Variants in PTK6 observed in about 807,000 individuals in gnomAD.
PTK6 encodes protein tyrosine kinase 6, also known as protein-tyrosine kinase 6.
A neutral mutation model predicts 47.5 loss-of-function variants in PTK6; 47 were observed. The ratio of observed to expected loss-of-function variants is 0.99; its 90% CI spans 0.78 to 1.26. The LOEUF (loss-of-function observed/expected upper bound fraction) is 1.26, where lower values mean the gene tolerates loss of function less well. Ranked by LOEUF, PTK6 falls within the 50% of genes most tolerant of loss-of-function variation. The probability of loss-of-function intolerance (pLI) is 0.00; values close to 1 mark genes in which losing one functional copy is unlikely to be tolerated. For synonymous variants in PTK6, 287 were observed against 276.5 expected (o/e 1.04, Z -0.38); for missense variants, 618 against 625.3 (o/e 0.99, Z 0.12).
Position 63,530,927 on chromosome 20 carries a change from T to C in PTK6, c.833A>G (p.Asp278Gly). The C allele has an allele frequency of 6.2e-7, 1 of 1,604,698 alleles. No individual in the cohort carries two copies. Among genetic ancestry groups the C allele is most frequent in the Non-Finnish European group, 8.5e-7 (1 of 1,175,588 alleles). ...AACGGGCAGGACTTTCTCATCAGAG[T>C]CTGCAGAGGGGAGTGGAGCAGAGCC... Reference protein sequence around the residue: ...AKGSLLELLRDSDEKVLPVSE... With the variant: ...AKGSLLELLRGSDEKVLPVSE... The change falls in exon 6 of 8, where the codon GAC becomes GGC. Residue 278 changes from aspartate to glycine, a missense_variant and splice_region_variant. Transcript: ENST00000542869. The surrounding 1 kb of genome is among the most constrained non-coding windows in gnomAD (Gnocchi z 4.1).
At chr20:63,536,339 G>A (rs996050789) in intron 1 of PTK6, among the ~76,000 whole-genome samples, 31 of 147,282 alleles carry the variant, frequency 2.1e-4, no homozygotes, top group South Asian at 2.2e-4. Context: ...TAACGAGGTC[G>A]TGGGTCTGCA....
At chr20:63,532,450 TG>T (rs11086169) in intron 5 of PTK6, 75 bp downstream of exon 5, 106,153 of 1,212,876 alleles carry the variant, frequency 0.088, 5,606 homozygotes, top group African/African-American at 0.36. Flanking sequence ...TGTGTAGACG[TG>T]GGGGGGGGGT....
chr20:63,532,607 A>G lies in PTK6; in HGVS notation c.751T>C (p.Tyr251His). The G allele has an allele frequency of 2.5e-6, 4 of 1,614,102 alleles. No homozygotes were observed. The highest frequency in any genetic ancestry group is 3.4e-6 in the Non-Finnish European group (4 of 1,180,010). ...KLRHKHILAL[Y>H]AVVSVGDPVY... is the part of the protein sequence containing the mutation. ...GGGTCCCCCACGGACACCACGGCGT[A>G]CAGCGCCAGGATGTGTTTGTGCCGC... Residue 251 changes from tyrosine to histidine, a missense_variant, in exon 5 of 8, where the codon TAC (tyrosine) becomes CAC (histidine). Transcript: ENST00000542869.
At position 63,529,450 on chromosome 20, in the gene PTK6, G is replaced by T; in HGVS notation, c.*86C>A. 1 of 1,377,166 alleles carries T rather than the reference G, an allele frequency of 7.3e-7. No individual in the cohort carries two copies. Among genetic ancestry groups the T allele is most frequent in the Non-Finnish European group, 9.6e-7 (1 of 1,039,886 alleles). 85.3% of individuals were successfully genotyped at this position (1,377,166 alleles called of 1,614,324 possible). On this transcript the variant is annotated 3_prime_UTR_variant, in exon 8 of 8. Coordinates refer to ENST00000542869, the MANE Select transcript of PTK6 (RefSeq NM_005975.4). This position sits in a 1 kb window ranked among gnomAD's most constrained non-coding sequence, Gnocchi z 5.6. The stretch of plus-strand genomic sequence containing the variant: ...ACCCATCACCTCAGTAAACCCCAGG[G>T]AAGCGCGTGGGCCTTGATCCCAGGT...
At position 63,535,001 on chromosome 20, in the gene PTK6, T is replaced by C; in HGVS notation, c.289A>G (p.Asn97Asp). Residue 97 changes from asparagine (N) to aspartate (D), a missense_variant, in exon 2 of 8, where the codon AAC (asparagine) becomes GAC (aspartate). Physicochemically the swap from Asn to Asp is conservative, Grantham distance 23. Transcript: ENST00000542869. The stretch of plus-strand genomic sequence containing the variant: ...CTGATCAGGAAGGCGCCCGTGGCGT[T>C]GCCCTCGGCCTGCAGCCGACGCACA... ...EAVRRLQAEG[N>D]ATGAFLIRVS... 2 of 1,609,180 alleles carry C rather than the reference T, an allele frequency of 1.2e-6. No homozygotes were observed. Among genetic ancestry groups the C allele is most frequent in the East Asian group, 2.2e-5 (1 of 44,752 alleles).
intron 5 of PTK6, among the ~76,000 whole-genome samples, chr20:63,532,152 AGTGTGTGTCTGTGTGT>A (rs1009125838): frequency 2.8e-5 from 4 of 143,542 alleles, no homozygotes; most frequent in Non-Finnish European, 6.0e-5. Context: ...TGTCTGGATC[AGTGTGTGTCTGTGTGT>A]GTGTGTGTCT....
intron 3 of PTK6, 28 bp downstream of exon 3, chr20:63,534,124 C>T (rs771611986): frequency 1.3e-5 from 19 of 1,518,908 alleles, no homozygotes; most frequent in South Asian, 1.1e-4. Flanking sequence ...CCTGACCCCG[C>T]GTGACCAAGT....
rs1340891788 is a variant in PTK6, at chr20:63,530,686, C to A, written c.1014+60G>T. On this transcript the variant is annotated intron_variant, in intron 6 of 7. Transcript: ENST00000542869. The surrounding 1 kb of genome is among the most constrained non-coding windows in gnomAD (Gnocchi z 4.1). ...AGTCCCCAGCTCCACACACAGGAAG[C>A]CCCCAGCCCTCCGGCCACGCCCCGG... The A allele has an allele frequency of 1.9e-6, 3 of 1,564,594 alleles. No individual in the cohort carries two copies. In the African/African-American group the frequency reaches 4.1e-5, roughly 21 times the overall value.
At position 63,533,906 on chromosome 20, in the gene PTK6, C is replaced by G. The variant is rs902610694; in HGVS notation, c.517-202G>C. On this transcript the variant is annotated intron_variant, in intron 3 of 7. Coordinates refer to ENST00000542869, the MANE Select transcript of PTK6 (RefSeq NM_005975.4). The surrounding 1 kb of genome is among the most constrained non-coding windows in gnomAD (Gnocchi z 4.0). ...CATGAAACACCCAGACAGACCGGAG[C>G]CAGGACCCTGCAGAGTGCCGCTGGC... Among the ~76,000 whole-genome samples, 30 of 152,164 alleles carry G rather than the reference C, an allele frequency of 2.0e-4. No homozygotes were observed.
chr20:63,532,184 T>G (rs2082627164), intron 5 of PTK6, among the ~76,000 whole-genome samples: 3 of 151,586 alleles, frequency 2.0e-5, no homozygotes, highest in Non-Finnish European at 4.4e-5. Flanking sequence ...TGTCTGTGTG[T>G]GTCCGTGTGA....
Position 63,530,799 on chromosome 20 carries a change from C to T in PTK6, c.961G>A (p.Gly321Arg), listed in dbSNP as rs146772563. 8.1e-5 allele frequency: 131 copies of T among 1,614,078 alleles called. No individual in the cohort carries two copies. The African/African-American group carries it at 1.3e-3, about 16-fold the overall frequency. The stretch of plus-strand genomic sequence containing the variant: ...CCAACTTTGCAGAGGGTGTTTTCCC[C>T]GACGAGGATGTTCCTGGCGGCCAGG... Reference protein sequence around the residue: ...RDLAARNILVGENTLCKVGDF... With the variant: ...RDLAARNILVRENTLCKVGDF... Residue 321 changes from glycine to arginine, a missense_variant, in exon 6 of 8, where the codon GGG becomes AGG. Transcript: ENST00000542869. This position sits in a 1 kb window ranked among gnomAD's most constrained non-coding sequence, Gnocchi z 4.1.
chr20:63,531,203 C>CGAGG (rs2082616655), intron 5 of PTK6, among the ~76,000 whole-genome samples: 2 of 151,662 alleles, frequency 1.3e-5, no homozygotes, highest in East Asian at 3.9e-4. Context: ...GGATGGATCA[C>CGAGG]GAGGTCAGGA....
Position 63,530,837 on chromosome 20 carries a change from T to A in PTK6, c.923A>T (p.Tyr308Phe). 1 of 1,614,002 alleles carries A rather than the reference T, an allele frequency of 6.2e-7. No homozygotes were observed. Among genetic ancestry groups the A allele is most frequent in the Non-Finnish European group, 8.5e-7 (1 of 1,179,950 alleles). The part of the protein sequence containing the change: ...EGMCYLESQN[Y>F]IHRDLAARNI... ...CCTGGCGGCCAGGTCCCGGTGGATGTAATTCTGCGACTCCAGGTAACACAT... is the reference window on the plus strand; with the variant it reads ...CCTGGCGGCCAGGTCCCGGTGGATGAAATTCTGCGACTCCAGGTAACACAT... The change falls in exon 6 of 8, where the codon TAC becomes TTC. Residue 308 changes from tyrosine to phenylalanine, a missense_variant. Coordinates refer to ENST00000542869, the MANE Select transcript of PTK6 (RefSeq NM_005975.4). This position sits in a 1 kb window ranked among gnomAD's most constrained non-coding sequence, Gnocchi z 4.1.
chr20:63,529,458 T>G lies in PTK6; in HGVS notation c.*78A>C, dbSNP rs1413715509. ...CCTCAGTAAACCCCAGGGAAGCGCG[T>G]GGGCCTTGATCCCAGGTCCAGGCCC... On this transcript the variant is annotated 3_prime_UTR_variant, in exon 8 of 8. Transcript: ENST00000542869. This position sits in a 1 kb window ranked among gnomAD's most constrained non-coding sequence, Gnocchi z 5.6. 1 of 1,407,966 alleles carries G rather than the reference T, an allele frequency of 7.1e-7. No individual in the cohort carries two copies. Among genetic ancestry groups the G allele is most frequent in the Non-Finnish European group, 9.4e-7 (1 of 1,063,610 alleles). 87.2% of individuals were successfully genotyped at this position (1,407,966 alleles called of 1,614,324 possible).
In PTK6 at chr20:63,529,455, G is replaced by A. The variant is rs564522525; in HGVS notation, c.*81C>T. ...TCACCTCAGTAAACCCCAGGGAAGC[G>A]CGTGGGCCTTGATCCCAGGTCCAGG... On this transcript the variant is annotated 3_prime_UTR_variant, in exon 8 of 8. Transcript: ENST00000542869. The surrounding 1 kb of genome is among the most constrained non-coding windows in gnomAD (Gnocchi z 5.6). The A allele has an allele frequency of 2.8e-5, 39 of 1,390,934 alleles. No homozygotes were observed. Among genetic ancestry groups the A allele is most frequent in the African/African-American group, 2.9e-5 (2 of 68,332 alleles). 86.2% of individuals were successfully genotyped at this position (1,390,934 alleles called of 1,614,324 possible). A position where few individuals can be genotyped will look rare whatever the true frequency, so the allele number is the denominator to read the frequency against.
chr20:63,533,832 G>T lies in PTK6; in HGVS notation c.517-128C>A. The T allele has an allele frequency of 7.5e-7, 1 of 1,333,314 alleles. No homozygotes were observed. Among genetic ancestry groups the T allele is most frequent in the South Asian group, 1.4e-5 (1 of 69,078 alleles). The allele number at this position is 1,333,314 out of a possible 1,614,324, so 82.6% of individuals were successfully genotyped here. A position where few individuals can be genotyped will look rare whatever the true frequency, so the allele number is the denominator to read the frequency against. ...CGATCAGCCTGGGTTGGGGGTTTCT[G>T]AGTGTCTGACACAAGGGTGGACTCT... On this transcript the variant is annotated intron_variant, in intron 3 of 7. Coordinates refer to ENST00000542869, the MANE Select transcript of PTK6 (RefSeq NM_005975.4). This position sits in a 1 kb window ranked among gnomAD's most constrained non-coding sequence, Gnocchi z 4.0.
At chr20:63,535,727 C>T (rs2082659440) in intron 1 of PTK6, among the ~76,000 whole-genome samples, 1 of 150,548 alleles carries the variant, frequency 6.6e-6, no homozygotes, top group African/African-American at 2.5e-5. Context: ...CACCTGGAAG[C>T]ACTGCCCCAC....
rs772833337 is a variant in PTK6, at chr20:63,537,331, G to C, written c.-17C>G. On this transcript the variant is annotated 5_prime_UTR_variant, in exon 1 of 8. Coordinates refer to ENST00000542869, the MANE Select transcript of PTK6 (RefSeq NM_005975.4). ...GGACACCATGGCGGGCGGGCGCAGC[G>C]GCAGGACCAGGCTGTGGCCCAGCTG... is the stretch of plus-strand genomic sequence containing the variant. The C allele has an allele frequency of 6.4e-7, 1 of 1,574,334 alleles. No individual in the cohort carries two copies. The highest frequency in any genetic ancestry group is 1.3e-5 in the African/African-American group (1 of 74,228).
chr20:63,537,349 C>T lies in PTK6; in HGVS notation c.-35G>A. ...GCGCAGCGGCAGGACCAGGCTGTGG[C>T]CCAGCTGGAGCACCCAGAGCTGGGC... On this transcript the variant is annotated 5_prime_UTR_variant, in exon 1 of 8. Coordinates refer to ENST00000542869, the MANE Select transcript of PTK6 (RefSeq NM_005975.4). 2 of 1,548,034 alleles carry T rather than the reference C, an allele frequency of 1.3e-6. No individual in the cohort carries two copies. The highest frequency in any genetic ancestry group is 2.3e-5 in the South Asian group (2 of 86,958).
Sources: gnomAD v4.1 joint callset for allele counts (sites outside exome capture counted in the v4.1 genomes callset) on GRCh38, gnomAD v4.1.1 for gene constraint, Gnocchi (gnomAD v3.1) non-coding constraint, MANE v1.5 for transcripts, NCBI Gene and HGNC (gene_info 2026-07-23, HGNC 2026-07-21) for gene names.